Variants in WRN observed in about 807,000 individuals in gnomAD.
WRN encodes bifunctional 3'-5' exonuclease/ATP-dependent helicase WRN.
WRN carries 149 observed loss-of-function variants against 180.7 expected under a neutral mutation model. The ratio of observed to expected loss-of-function variants is 0.82; its 90% CI spans 0.72 to 0.94. The LOEUF (loss-of-function observed/expected upper bound fraction) is 0.94, where lower values mean the gene tolerates loss of function less well. Ranked by LOEUF, WRN falls within the 40% of genes least tolerant of loss-of-function variation. WRN has a pLI of 0.00. For missense variants in WRN, 1,661 were observed against 1,700.1 expected, an observed-to-expected ratio of 0.98 and a Z score of 0.40; for synonymous variants, 548 against 568.9, an observed-to-expected ratio of 0.96 and a Z score of 0.52.
At chr8:31,148,338 TTC>T (rs1267351963) in intron 30 of WRN, among the ~76,000 whole-genome samples, 1 of 152,136 alleles carries the variant, frequency 6.6e-6, no homozygotes, top group African/African-American at 2.4e-5. Context: ...TAACCCTTCA[TTC>T]TCTCTCTCTG....
intron 34 of WRN, among the ~76,000 whole-genome samples, chr8:31,167,475 T>C (rs1488619475): frequency 6.6e-6 from 1 of 152,158 alleles, no homozygotes; most frequent in African/African-American, 2.4e-5. Flanking sequence ...ATTTTACCTG[T>C]ACCTCATATT....
chr8:31,173,247 A>C lies in WRN; in HGVS notation c.*145A>C. 1.2e-6 allele frequency: 1 copy of C among 811,548 alleles called. No individual in the cohort carries two copies. Among genetic ancestry groups the C allele is most frequent in the East Asian group, 2.7e-5 (1 of 36,844 alleles). 50.3% of individuals were successfully genotyped at this position (811,548 alleles called of 1,614,324 possible). On this transcript the variant is annotated 3_prime_UTR_variant, in exon 35 of 35. Transcript: ENST00000298139. The stretch of plus-strand genomic sequence containing the variant: ...CTGTTTATTGAAGAACTGGCATCTT[A>C]AATCAGCCTTCCGCAATTCATGTAG...
intron 1 of WRN, among the ~76,000 whole-genome samples, chr8:31,044,040 CT>C (rs1186563667): frequency 6.6e-6 from 1 of 151,930 alleles, no homozygotes; most frequent in Non-Finnish European, 1.5e-5. Context: ...ATTTCATTTT[CT>C]TTTTTCTTGT....
intron 1 of WRN, among the ~76,000 whole-genome samples, chr8:31,039,678 G>A (rs1367070381): frequency 2.6e-5 from 4 of 152,094 alleles, no homozygotes; most frequent in Admixed American, 6.6e-5. Context: ...TATGGTGTTA[G>A]CTGTGGGTTT....
At chr8:31,144,931 A>G (rs1802801036) in intron 28 of WRN, among the ~76,000 whole-genome samples, 1 of 152,220 alleles carries the variant, frequency 6.6e-6, no homozygotes, top group Admixed American at 6.5e-5. Flanking sequence ...CCTTGAGCCA[A>G]AGCCTAATCC....
Position 31,102,577 on chromosome 8 carries a change from AT to A in WRN, c.2088+1625del, listed in dbSNP as rs531602241. Among the ~76,000 whole-genome samples, 217 of 152,328 alleles carry A rather than the reference AT, an allele frequency of 1.4e-3. 1 individual carries two copies. Among genetic ancestry groups the A allele is most frequent in the South Asian group, 7.0e-3 (34 of 4,826 alleles). The stretch of plus-strand genomic sequence containing the variant: ...AGGCAATTGTAATACAATGGTAAGT[AT>A]TTGTGTATCTAAACTTATCTAATGT... On this transcript the variant is annotated intron_variant, in intron 18 of 34. Transcript: ENST00000298139.
At chr8:31,151,946 C>G (rs958363693) in intron 31 of WRN, among the ~76,000 whole-genome samples, 4 of 151,406 alleles carry the variant, frequency 2.6e-5, no homozygotes, top group Non-Finnish European at 5.9e-5. Context: ...TGTCACAATA[C>G]ACATTAAAAA....
At chr8:31,169,530 C>G (rs1804025282) in intron 34 of WRN, among the ~76,000 whole-genome samples, 1 of 152,028 alleles carries the variant, frequency 6.6e-6, no homozygotes. Flanking sequence ...TTTGGAAAGG[C>G]TACAGTTTTA....
At chr8:31,040,428 G>A (rs1375442818) in intron 1 of WRN, among the ~76,000 whole-genome samples, 1 of 152,144 alleles carries the variant, frequency 6.6e-6, no homozygotes, top group Non-Finnish European at 1.5e-5. Context: ...CTTGAATCCT[G>A]GAATGCTGTG....
chr8:31,060,256 GTTATATA>G (rs1282011161), intron 3 of WRN, among the ~76,000 whole-genome samples: 2 of 152,068 alleles, frequency 1.3e-5, no homozygotes, highest in Non-Finnish European at 2.9e-5. Context: ...AAAAAATTTT[GTTATATA>G]TTGGGTTAAA....
intron 31 of WRN, among the ~76,000 whole-genome samples, chr8:31,152,606 C>A (rs1803181986): frequency 6.6e-6 from 1 of 151,416 alleles, no homozygotes; most frequent in Non-Finnish European, 1.5e-5. Flanking sequence ...GCAATAAGGA[C>A]AAAAGTTGGC....
In WRN at chr8:31,083,709, C is replaced by T. The variant is rs1406905598; in HGVS notation, c.1280C>T (p.Pro427Leu). The T allele has an allele frequency of 1.5e-5, 24 of 1,610,644 alleles. No individual in the cohort carries two copies. Among genetic ancestry groups the T allele is most frequent in the Non-Finnish European group, 2.0e-5 (23 of 1,177,906 alleles). ...ATACTTTTTTTAAAGCATTTATCTC[C>T]CAATGATAATGAAAACGATACGTCC... ...IAYKSTEHLS[P>L]NDNENDTSYV... The change falls in exon 10 of 35, where the codon CCC becomes CTC. Residue 427 changes from proline to leucine, a missense_variant. Coordinates refer to ENST00000298139, the MANE Select transcript of WRN (RefSeq NM_000553.6).
chr8:31,070,607 G>A (rs73228684), intron 7 of WRN, among the ~76,000 whole-genome samples: 6,410 of 152,158 alleles, frequency 0.042, 167 homozygotes, highest in South Asian at 0.079. Context: ...GAAAGCAATT[G>A]CAGTGTAGGG....
At chr8:31,039,950 T>A (rs1191140120) in intron 1 of WRN, among the ~76,000 whole-genome samples, 1 of 152,230 alleles carries the variant, frequency 6.6e-6, no homozygotes, top group African/African-American at 2.4e-5. Flanking sequence ...ACAGAATCAC[T>A]CTGCTACTGT....
intron 17 of WRN, 136 bp downstream of exon 17, chr8:31,096,986 T>A (rs1814014361): frequency 1.2e-6 from 1 of 824,226 alleles, no homozygotes; most frequent in Non-Finnish European, 2.0e-6. Flanking sequence ...TCTGACTCTC[T>A]AACTTGCTGT....
rs1308927977 is a variant in WRN at position 31,147,398 on chromosome 8, A to C, written c.3494A>C (p.Gln1165Pro). 1 of 1,613,998 alleles carries C rather than the reference A, an allele frequency of 6.2e-7. No homozygotes were observed. Among genetic ancestry groups the C allele is most frequent in the Admixed American group, 1.7e-5 (1 of 60,006 alleles). The change falls in exon 30 of 35, where the codon CAG (glutamine) becomes CCG (proline). Residue 1165 changes from glutamine to proline, a missense_variant. Coordinates refer to ENST00000298139, the MANE Select transcript of WRN (RefSeq NM_000553.6). ...VLYGKLVEAR[Q>P]KHANKMDVPP... ...TATGGCAAATTGGTAGAAGCTAGGC[A>C]GAAACATGCCAATAAAATGGATGTT...
At chr8:31,062,929 C>T (rs554625093) in intron 3 of WRN, among the ~76,000 whole-genome samples, 9 of 152,018 alleles carry the variant, frequency 5.9e-5, no homozygotes, top group Non-Finnish European at 1.2e-4. Context: ...CTTATGGGCT[C>T]GAGTGATCCT....
At chr8:31,135,063 G>A (rs1802348141) in intron 24 of WRN, among the ~76,000 whole-genome samples, 1 of 151,846 alleles carries the variant, frequency 6.6e-6, no homozygotes, top group Non-Finnish European at 1.5e-5. Flanking sequence ...ATAGCTGTGG[G>A]CTTTTTGTAG....
chr8:31,138,636 A>G (rs1324918325), intron 24 of WRN, among the ~76,000 whole-genome samples: 2 of 152,238 alleles, frequency 1.3e-5, no homozygotes, highest in African/African-American at 2.4e-5. Flanking sequence ...TTAACAAGGT[A>G]GAAGGTGCCA....
Sources: gnomAD v4.1 joint callset for allele counts (sites outside exome capture counted in the v4.1 genomes callset) on GRCh38, gnomAD v4.1.1 for gene constraint, MANE v1.5 for transcripts, NCBI Gene and HGNC (gene_info 2026-07-23, HGNC 2026-07-21) for gene names.